PAK2: variants seen among roughly 807,000 people sequenced by gnomAD.
PAK2 encodes the protein serine/threonine-protein kinase PAK 2.
PAK2 carries 21 observed loss-of-function variants against 65.9 expected under a neutral mutation model. The ratio of observed to expected loss-of-function variants is 0.32; its 90% CI spans 0.23 to 0.46. PAK2 has a LOEUF of 0.46. Ranked by LOEUF, PAK2 falls within the 20% of genes least tolerant of loss-of-function variation. PAK2 has a pLI of 1.00. For missense variants in PAK2, 324 were observed against 642.6 expected (o/e 0.50, Z 5.36); for synonymous variants, 204 against 219.7 (o/e 0.93, Z 0.63).
At chr3:196,760,092 A>C (rs1713911683) in intron 1 of PAK2, among the ~76,000 whole-genome samples, 1 of 152,114 alleles carries the variant, frequency 6.6e-6, no homozygotes. Context: ...TCAGCACTTC[A>C]TTCCTTTTAC....
chr3:196,826,176 G>T (rs550692967), intron 13 of PAK2, among the ~76,000 whole-genome samples: 98 of 150,004 alleles, frequency 6.5e-4, no homozygotes, highest in African/African-American at 2.4e-3. Flanking sequence ...TTGTTTGTTT[G>T]TTTGTTTATT....
Position 196,832,596 on chromosome 3 carries a change from G to C in PAK2, c.*4191G>C, listed in dbSNP as rs1712127462. The C allele has an allele frequency of 6.6e-6, 1 of 151,924 alleles. No individual in the cohort carries two copies. The highest frequency in any genetic ancestry group is 2.1e-4 in the South Asian group (1 of 4,828). 9.4% of individuals were successfully genotyped at this position (151,924 alleles called of 1,614,324 possible). A position where few individuals can be genotyped will look rare whatever the true frequency, so the allele number is the denominator to read the frequency against. On this transcript the variant is annotated 3_prime_UTR_variant, in exon 15 of 15. Transcript: ENST00000327134. ...AAAGAATATTTAAATGTCTTAATAG[G>C]TTTTCAAAGAACATTTAGTATTTTT...
At chr3:196,742,658 T>A (rs1713240132) in intron 1 of PAK2, among the ~76,000 whole-genome samples, 1 of 152,170 alleles carries the variant, frequency 6.6e-6, no homozygotes, top group Admixed American at 6.5e-5. Flanking sequence ...CTCACGCCTG[T>A]AATCCCAGCA....
intron 8 of PAK2, among the ~76,000 whole-genome samples, chr3:196,811,366 T>TCCCTCCCTC (rs1715816164): frequency 8.9e-5 from 1 of 11,200 alleles, no homozygotes; most frequent in Admixed American, 1.1e-3. Context: ...TCCCTTCCCT[T>TCCCTCCCTC]CCTTCTCTTC....
chr3:196,750,883 T>C (rs1190181880), intron 1 of PAK2, among the ~76,000 whole-genome samples: 1 of 152,192 alleles, frequency 6.6e-6, no homozygotes, highest in Non-Finnish European at 1.5e-5. Context: ...GTAAAATACA[T>C]GTAACATAAA....
chr3:196,749,171 C>T (rs761053826), intron 1 of PAK2, among the ~76,000 whole-genome samples: 3 of 151,796 alleles, frequency 2.0e-5, no homozygotes, highest in East Asian at 1.9e-4. Context: ...GGATTGCTTC[C>T]GTAATTTAGG....
At chr3:196,801,828 C>A (rs996173522) in intron 2 of PAK2, 99 bp from the exon 3 acceptor site, 10 of 675,390 alleles carry the variant, frequency 1.5e-5, no homozygotes, top group Non-Finnish European at 2.6e-5. Flanking sequence ...AGCGAAACTC[C>A]ATTTAAAAAA....
At chr3:196,785,694 T>C (rs565638359) in intron 2 of PAK2, among the ~76,000 whole-genome samples, 1 of 152,354 alleles carries the variant, frequency 6.6e-6, no homozygotes, top group South Asian at 2.1e-4. Context: ...GGGTAATTTA[T>C]ACAAGAAAAA....
chr3:196,742,627 CTTCTTCGCCGGGCGCGGTGG>C (rs1713238218), intron 1 of PAK2, among the ~76,000 whole-genome samples: 1 of 152,144 alleles, frequency 6.6e-6, no homozygotes, highest in Admixed American at 6.5e-5. Context: ...GAAACTGGGT[CTTCTTCGCCGGGCGCGGTGG>C]CTCACGCCTG....
Position 196,810,443 on chromosome 3 carries a change from TG to T in PAK2, c.710-146del, listed in dbSNP as rs1715738521. 4.7e-6 allele frequency: 3 copies of T among 632,438 alleles called. No individual in the cohort carries two copies. The South Asian group carries it at 5.4e-5, about 11-fold the overall frequency. 39.2% of individuals were successfully genotyped at this position (632,438 alleles called of 1,614,324 possible). ...GTATTTAAGTTTCTTTAGTGTTTTG[TG>T]TTTGAAACCTGTTATTTTTGGAACT... On this transcript the variant is annotated intron_variant, in intron 7 of 14. Transcript: ENST00000327134.
chr3:196,778,022 A>G (rs536158389), intron 1 of PAK2, among the ~76,000 whole-genome samples: 26 of 152,044 alleles, frequency 1.7e-4, no homozygotes, highest in African/African-American at 6.3e-4. Context: ...GAAACTTGAT[A>G]CCCATTAGGA....
intron 1 of PAK2, among the ~76,000 whole-genome samples, chr3:196,765,430 C>A (rs973161906): frequency 2.0e-5 from 3 of 151,988 alleles, no homozygotes; most frequent in African/African-American, 7.2e-5. Context: ...ATTACAGGTG[C>A]GAGCCACCGC....
At chr3:196,804,759 G>A (rs1021435975) in intron 4 of PAK2, among the ~76,000 whole-genome samples, 5 of 151,660 alleles carry the variant, frequency 3.3e-5, no homozygotes, top group East Asian at 1.9e-4. Context: ...ATGAGCCACC[G>A]CGCCCGGCCT....
rs56020042 is a variant in PAK2 at position 196,820,399 on chromosome 3, C to T, written c.1182C>T (p.Thr394=). 6.8e-6 allele frequency: 11 copies of T among 1,607,488 alleles called. No homozygotes were observed. The East Asian group carries it at 2.5e-4, about 36-fold the overall frequency. The part of the protein sequence containing the change: ...LTDFGFCAQI[T]PEQSKRSTMV... ...ACTTTGGTTTCTGTGCCCAGATCAC[C>T]CCTGAGCAGAGCAAACGCAGTACCA... Residue 394 remains threonine, a synonymous_variant, in exon 13 of 15, where the codon ACC becomes ACT. Transcript: ENST00000327134. The surrounding 1 kb of genome is among the most constrained non-coding windows in gnomAD (Gnocchi z 4.6).
At chr3:196,757,421 T>G (rs889060323) in intron 1 of PAK2, among the ~76,000 whole-genome samples, 1 of 152,210 alleles carries the variant, frequency 6.6e-6, no homozygotes, top group African/African-American at 2.4e-5. Flanking sequence ...GTTTCTGTTA[T>G]TTTTTCCATC....
At chr3:196,810,262 C>A (rs1715732594) in intron 7 of PAK2, among the ~76,000 whole-genome samples, 3 of 151,956 alleles carry the variant, frequency 2.0e-5, no homozygotes, top group African/African-American at 7.2e-5. Context: ...CCTAATTAAT[C>A]TCTGACAAAC....
chr3:196,820,655 T>C lies in PAK2; in HGVS notation c.1350+88T>C. 1.5e-6 allele frequency: 1 copy of C among 657,946 alleles called. No individual in the cohort carries two copies. Among genetic ancestry groups the C allele is most frequent in the Non-Finnish European group, 2.5e-6 (1 of 396,326 alleles). The allele number at this position is 657,946 out of a possible 1,614,324, so 40.8% of individuals were successfully genotyped here. ...GCACGTGCCTGGCACTGTCCAAGAA[T>C]TTAAAGTAGAAGGTTGATAAAACCT... On this transcript the variant is annotated intron_variant, in intron 13 of 14. Coordinates refer to ENST00000327134, the MANE Select transcript of PAK2 (RefSeq NM_002577.4). This position sits in a 1 kb window ranked among gnomAD's most constrained non-coding sequence, Gnocchi z 4.6.
chr3:196,826,343 T>G (rs1711872134), intron 13 of PAK2, among the ~76,000 whole-genome samples: 1 of 152,008 alleles, frequency 6.6e-6, no homozygotes, highest in South Asian at 2.1e-4. Context: ...GGCTAATTTT[T>G]TGTATTTTTT....
At chr3:196,822,939 G>A (rs142370326) in intron 13 of PAK2, among the ~76,000 whole-genome samples, 276 of 152,266 alleles carry the variant, frequency 1.8e-3, no homozygotes, top group African/African-American at 6.2e-3. Context: ...GAGAGGTGCG[G>A]TCGATCGGCG....
Sources: gnomAD v4.1 joint callset for allele counts (sites outside exome capture counted in the v4.1 genomes callset) on GRCh38, gnomAD v4.1.1 for gene constraint, Gnocchi (gnomAD v3.1) non-coding constraint, MANE v1.5 for transcripts, NCBI Gene and HGNC (gene_info 2026-07-23, HGNC 2026-07-21) for gene names.